TRHDE: variants seen among roughly 807,000 people sequenced by gnomAD.
TRHDE encodes thyrotropin-releasing hormone-degrading ectoenzyme.
TRHDE carries 72 observed loss-of-function variants against 125.7 expected under a neutral mutation model. The observed-to-expected ratio is 0.57, with a 90% CI of 0.47 to 0.70. The LOEUF (loss-of-function observed/expected upper bound fraction) is 0.70. Among genes scored for constraint, TRHDE ranks in the 30% least tolerant of loss-of-function variants. The probability of loss-of-function intolerance (pLI) is 0.00; values close to 1 mark genes in which losing one functional copy is unlikely to be tolerated. For synonymous variants in TRHDE, 509 were observed against 509.1 expected (o/e 1.00, Z 0.00); for missense variants, 1,110 against 1,327.1 (o/e 0.84, Z 2.54).
chr12:72,312,275 T>C (rs1359170964), intron 2 of TRHDE, among the ~76,000 whole-genome samples: 1 of 152,230 alleles, frequency 6.6e-6, no homozygotes, highest in Non-Finnish European at 1.5e-5. Flanking sequence ...GCTCTATTTA[T>C]CTACCAGCTA....
At chr12:72,505,795 G>T (rs771961288) in intron 6 of TRHDE, among the ~76,000 whole-genome samples, 1 of 152,124 alleles carries the variant, frequency 6.6e-6, no homozygotes, top group Non-Finnish European at 1.5e-5. Context: ...TTGACCAACA[G>T]AAGTCAACAT....
chr12:72,623,679 T>A lies in TRHDE; in HGVS notation c.2675+1928T>A, dbSNP rs572005435. Among the ~76,000 whole-genome samples, 3 of 152,112 alleles carry A rather than the reference T, an allele frequency of 2.0e-5. No individual in the cohort carries two copies. In the South Asian group the frequency reaches 6.2e-4, roughly 32 times the overall value. ...GAAACATTACTATCTTGGAGGGATC[T>A]CATTCTGATTCATGAAGGATAAGTA... On this transcript the variant is annotated intron_variant, in intron 15 of 18. Transcript: ENST00000261180.
intron 15 of TRHDE, among the ~76,000 whole-genome samples, chr12:72,622,783 C>T (rs999511585): frequency 2.0e-5 from 3 of 151,966 alleles, no homozygotes; most frequent in Admixed American, 6.6e-5. Flanking sequence ...CTATTCTGTT[C>T]GAAAGGTCTC....
chr12:72,366,919 G>A (rs557408194), intron 2 of TRHDE, among the ~76,000 whole-genome samples: 4 of 152,192 alleles, frequency 2.6e-5, no homozygotes, highest in Admixed American at 2.6e-4. Flanking sequence ...AGAAGTCTAA[G>A]TAATCGTTCT....
At chr12:72,315,392 G>T (rs528948392) in intron 2 of TRHDE, among the ~76,000 whole-genome samples, 1 of 150,318 alleles carries the variant, frequency 6.7e-6, no homozygotes, top group East Asian at 2.0e-4. Context: ...TTTAGATTTT[G>T]TAAGTCCATA....
chr12:72,162,033 T>C (rs1876648906), intron 2 of TRHDE, among the ~76,000 whole-genome samples: 1 of 152,214 alleles, frequency 6.6e-6, no homozygotes, highest in African/African-American at 2.4e-5. Flanking sequence ...TGGCACTTAG[T>C]AAATTTTCCT....
intron 2 of TRHDE, among the ~76,000 whole-genome samples, chr12:72,175,451 G>T (rs1876966231): frequency 6.6e-6 from 1 of 152,176 alleles, no homozygotes; most frequent in Non-Finnish European, 1.5e-5. Context: ...TATAAGATCA[G>T]CAATCAGTGG....
chr12:72,476,863 G>A (rs1876919592), intron 5 of TRHDE, among the ~76,000 whole-genome samples: 1 of 152,088 alleles, frequency 6.6e-6, no homozygotes, highest in Middle Eastern at 3.2e-3. Flanking sequence ...ATGTATGTGT[G>A]TTTTCAGAGC....
chr12:72,363,505 A>G (rs1871209671), intron 2 of TRHDE, among the ~76,000 whole-genome samples: 1 of 152,018 alleles, frequency 6.6e-6, no homozygotes, highest in Non-Finnish European at 1.5e-5. Flanking sequence ...TATAAACAGA[A>G]CCAAAGACAA....
chr12:72,371,366 C>T (rs1019183446), intron 2 of TRHDE, among the ~76,000 whole-genome samples: 5 of 150,766 alleles, frequency 3.3e-5, no homozygotes, highest in South Asian at 2.1e-4. Context: ...TTTCGACTCA[C>T]AAAACTGGCT....
At chr12:72,440,348 A>G (rs1192147009) in intron 3 of TRHDE, among the ~76,000 whole-genome samples, 6 of 151,890 alleles carry the variant, frequency 4.0e-5, no homozygotes, top group Non-Finnish European at 8.8e-5. Context: ...TAGAAGTGAA[A>G]TCATTAGGTC....
intron 2 of TRHDE, among the ~76,000 whole-genome samples, chr12:72,227,500 G>C (rs2139372200): frequency 6.6e-6 from 1 of 152,278 alleles, no homozygotes; most frequent in East Asian, 1.9e-4. Flanking sequence ...TGTGGGAATT[G>C]TGAGAGCTAC....
chr12:72,513,732 T>G (rs1878706427), intron 6 of TRHDE, among the ~76,000 whole-genome samples: 1 of 151,942 alleles, frequency 6.6e-6, no homozygotes, highest in African/African-American at 2.4e-5. Context: ...CTGGCTTTTG[T>G]CTTAAAGGCA....
At position 72,392,304 on chromosome 12, in the gene TRHDE, A is replaced by G. The variant is rs191281068; in HGVS notation, c.1315+14183A>G. On this transcript the variant is annotated intron_variant, in intron 3 of 18. Transcript: ENST00000261180. ...AGAATGCCAGTGAGGACATGGCCAA[A>G]ATAAAGAGTATGGCAACCACATGAA... Among the ~76,000 whole-genome samples, 140 of 152,334 alleles carry G rather than the reference A, an allele frequency of 9.2e-4. 1 individual carries two copies. Among genetic ancestry groups the G allele is most frequent in the Non-Finnish European group, 1.8e-3 (120 of 68,028 alleles).
chr12:72,456,176 C>CACACACACACACAG (rs796569778), intron 3 of TRHDE, among the ~76,000 whole-genome samples: 2 of 140,442 alleles, frequency 1.4e-5, no homozygotes, highest in Non-Finnish European at 3.0e-5. Flanking sequence ...CACACACACA[C>CACACACACACACAG]AGAGACTCAG....
At chr12:72,430,350 TATACATATATAC>T (rs1276636737) in intron 3 of TRHDE, among the ~76,000 whole-genome samples, 1 of 145,052 alleles carries the variant, frequency 6.9e-6, no homozygotes, top group African/African-American at 2.5e-5. Context: ...TATATACATG[TATACATATATAC>T]ATATATACGT....
intron 2 of TRHDE, among the ~76,000 whole-genome samples, chr12:72,376,762 A>T (rs1055696065): frequency 6.6e-6 from 1 of 151,894 alleles, no homozygotes; most frequent in African/African-American, 2.4e-5. Flanking sequence ...ATAATAGATG[A>T]TGTATAACAT....
chr12:72,273,670 G>A lies in TRHDE; in HGVS notation c.914+113G>A, dbSNP rs1380922103. The A allele has an allele frequency of 8.5e-6, 9 of 1,053,094 alleles. No individual in the cohort carries two copies. Among genetic ancestry groups the A allele is most frequent in the Non-Finnish European group, 1.2e-5 (9 of 728,688 alleles). The allele number at this position is 1,053,094 out of a possible 1,614,324, so 65.2% of individuals were successfully genotyped here. On this transcript the variant is annotated intron_variant, in intron 1 of 18. Coordinates refer to ENST00000261180, the MANE Select transcript of TRHDE (RefSeq NM_013381.3). The surrounding 1 kb of genome is among the most constrained non-coding windows in gnomAD (Gnocchi z 5.3). ...GCTTCCAATACCCGGGAAGCCAGGGGTGGGGGGAAGGAAACGAAAGCGGAG... is the reference window on the plus strand; with the variant it reads ...GCTTCCAATACCCGGGAAGCCAGGGATGGGGGGAAGGAAACGAAAGCGGAG...
At chr12:72,106,654 T>C (rs1169714289) in intron 2 of TRHDE, among the ~76,000 whole-genome samples, 1 of 152,128 alleles carries the variant, frequency 6.6e-6, no homozygotes, top group Non-Finnish European at 1.5e-5. Flanking sequence ...AATTCTACTC[T>C]TACTGTGATA....
Sources: allele counts gnomAD v4.1 joint callset (sites outside exome capture counted in the v4.1 genomes callset), GRCh38; gene constraint gnomAD v4.1.1; non-coding constraint Gnocchi (gnomAD v3.1); transcripts MANE v1.5; gene names NCBI Gene and HGNC (gene_info 2026-07-23, HGNC 2026-07-21).